Variants in LYZL2 observed in about 807,000 individuals in gnomAD.
The protein encoded by LYZL2 is lysozyme like 2.
A neutral mutation model predicts 17.1 loss-of-function variants in LYZL2; 13 were observed. The observed-to-expected ratio is 0.76, with a 90% CI of 0.49 to 1.21. The LOEUF (loss-of-function observed/expected upper bound fraction) is 1.21. Ranked by LOEUF, LYZL2 falls within the 50% of genes most tolerant of loss-of-function variation. The pLI is 0.00. For missense variants in LYZL2, 166 were observed against 189.2 expected (o/e 0.88, Z 0.72); for synonymous variants, 63 against 74.4 (o/e 0.85, Z 0.79).
intron 4 of LYZL2, among the ~76,000 whole-genome samples, chr10:30,612,287 A>T (rs541281665): frequency 6.6e-6 from 1 of 152,164 alleles, no homozygotes; most frequent in Non-Finnish European, 1.5e-5. Context: ...CATCTGTGAA[A>T]ATTCGGGTTC....
chr10:30,614,860 T>A lies in LYZL2; in HGVS notation c.299-1960A>T, dbSNP rs1838503051. ...GGAAATAGTCATGACACTAGACAAATATTTCTTTACAAAGTGGTTTACTAT... is the reference window on the plus strand; with the variant it reads ...GGAAATAGTCATGACACTAGACAAAAATTTCTTTACAAAGTGGTTTACTAT... On this transcript the variant is annotated intron_variant, in intron 3 of 4. Coordinates refer to ENST00000647634, the MANE Select transcript of LYZL2 (RefSeq NM_183058.3). Among the ~76,000 whole-genome samples the A allele has an allele frequency of 2.6e-5, 4 of 152,296 alleles. 1 individual carries two copies. The South Asian group carries it at 6.2e-4, about 24-fold the overall frequency.
chr10:30,622,780 TA>T (rs1564409312), intron 3 of LYZL2, among the ~76,000 whole-genome samples: 1 of 152,190 alleles, frequency 6.6e-6, no homozygotes, highest in Non-Finnish European at 1.5e-5. Flanking sequence ...CTGAAAAGCC[TA>T]AAATATTTAT....
chr10:30,607,355 G>T (rs182374841), downstream of LYZL2, among the ~76,000 whole-genome samples: 211 of 152,026 alleles, frequency 1.4e-3, no homozygotes, highest in African/African-American at 4.6e-3. Flanking sequence ...GGTTACATCA[G>T]CAAAGGAGGC....
intron 3 of LYZL2, 34 bp from the exon 4 acceptor site, chr10:30,612,934 A>T (rs756784708): frequency 6.4e-7 from 1 of 1,571,220 alleles, no homozygotes; most frequent in Non-Finnish European, 8.7e-7. Flanking sequence ...GTTAGGCGAG[A>T]CTTTGTTGTT....
chr10:30,611,496 G>GA (rs1364150171), downstream of LYZL2, among the ~76,000 whole-genome samples: 9,676 of 74,562 alleles, frequency 0.13, 781 homozygotes, highest in African/African-American at 0.21. Context: ...ACAAGACTCT[G>GA]AAAAAAAAAA....
chr10:30,615,887 G>A (rs201365379), intron 3 of LYZL2, among the ~76,000 whole-genome samples: 4 of 150,982 alleles, frequency 2.6e-5, no homozygotes, highest in Non-Finnish European at 3.0e-5. Context: ...CACTGGTTTA[G>A]AAAAAAAAAG....
At chr10:30,615,033 C>A (rs1487304653) in intron 3 of LYZL2, among the ~76,000 whole-genome samples, 1 of 152,050 alleles carries the variant, frequency 6.6e-6, no homozygotes, top group Non-Finnish European at 1.5e-5. Context: ...AGAAATGCTC[C>A]CAATGCAATG....
At chr10:30,607,631 C>A (rs1298242022), downstream of LYZL2, among the ~76,000 whole-genome samples, 4 of 152,228 alleles carry the variant, frequency 2.6e-5, no homozygotes, top group East Asian at 7.7e-4. Context: ...AAAAGAATCA[C>A]CTGTTCAAGG....
intron 1 of LYZL2, among the ~76,000 whole-genome samples, chr10:30,628,536 T>C (rs773073018): frequency 6.6e-6 from 1 of 152,206 alleles, no homozygotes; most frequent in African/African-American, 2.4e-5. Flanking sequence ...CTTAAAATAA[T>C]GTCTTCCCCA....
chr10:30,607,963 G>A (rs906510272), downstream of LYZL2, among the ~76,000 whole-genome samples: 2 of 152,164 alleles, frequency 1.3e-5, no homozygotes, highest in Non-Finnish European at 2.9e-5. Context: ...ATTAGCCTAC[G>A]TATCTTGCTG....
At chr10:30,622,504 G>A (rs141480639) in intron 3 of LYZL2, among the ~76,000 whole-genome samples, 2 of 151,832 alleles carry the variant, frequency 1.3e-5, no homozygotes, top group Non-Finnish European at 1.5e-5. Flanking sequence ...AGCCAAGATC[G>A]CGCCACTGTA....
chr10:30,617,680 A>AAAAAAAAAAAAAAAAAAAAAAAG (rs1838554487), intron 3 of LYZL2, among the ~76,000 whole-genome samples: 2 of 119,578 alleles, frequency 1.7e-5, no homozygotes, highest in African/African-American at 6.7e-5. Flanking sequence ...GTCTCAAAAA[A>AAAAAAAAAAAAAAAAAAAAAAAG]AAAAAAAAAA....
chr10:30,620,330 A>G (rs1838600685), intron 3 of LYZL2, among the ~76,000 whole-genome samples: 2 of 152,358 alleles, frequency 1.3e-5, no homozygotes, highest in Admixed American at 6.5e-5. Context: ...CCCGCTTATG[A>G]GTAACCATGG....
intron 4 of LYZL2, 80 bp from the exon 5 acceptor site, chr10:30,612,104 T>C: frequency 1.3e-6 from 2 of 1,541,180 alleles, no homozygotes; most frequent in Non-Finnish European, 1.8e-6. Flanking sequence ...CTACAGAAAT[T>C]AACCAAAATC....
chr10:30,619,636 A>T (rs922268287), intron 3 of LYZL2, among the ~76,000 whole-genome samples: 24 of 136,848 alleles, frequency 1.8e-4, no homozygotes, highest in African/African-American at 6.4e-4. Flanking sequence ...ATGAGAACAC[A>T]TGGACACAGG....
At chr10:30,625,783 G>A (rs1364836515) in intron 3 of LYZL2, among the ~76,000 whole-genome samples, 1 of 152,246 alleles carries the variant, frequency 6.6e-6, no homozygotes, top group Non-Finnish European at 1.5e-5. Context: ...ATGGAAAGCA[G>A]CTGGCAGGCA....
downstream of LYZL2, among the ~76,000 whole-genome samples, chr10:30,607,146 A>G (rs1336573928): frequency 3.6e-4 from 4 of 11,054 alleles, no homozygotes; most frequent in African/African-American, 1.9e-3. Flanking sequence ...TCCTGATCTC[A>G]GGTGATCCAC....
intron 3 of LYZL2, among the ~76,000 whole-genome samples, chr10:30,623,133 G>A (rs1838650693): frequency 6.6e-6 from 1 of 152,066 alleles, no homozygotes; most frequent in African/African-American, 2.4e-5. Flanking sequence ...ATATGCCTAA[G>A]AACAAAGCTT....
Position 30,626,334 on chromosome 10 carries a change from A to G in LYZL2, c.140-71T>C, listed in dbSNP as rs1197438993. On this transcript the variant is annotated intron_variant, in intron 2 of 4. Coordinates refer to ENST00000647634, the MANE Select transcript of LYZL2 (RefSeq NM_183058.3). ...TTTGCTCTAAGCTTGGTCTAAGGGC[A>G]AGTTTCCTCATCCCTGTTACCTGAC... 1.3e-5 allele frequency: 20 copies of G among 1,580,614 alleles called. 1 individual carries two copies. The highest frequency in any genetic ancestry group is 1.7e-4 in the Middle Eastern group (1 of 5,890).
Sources: allele counts gnomAD v4.1 joint callset (sites outside exome capture counted in the v4.1 genomes callset), GRCh38; gene constraint gnomAD v4.1.1; transcripts MANE v1.5; gene names NCBI Gene and HGNC (gene_info 2026-07-23, HGNC 2026-07-21).